Variants in KAZN observed in about 807,000 individuals in gnomAD.
The protein encoded by KAZN is kazrin.
Under a neutral mutation model 87.4 loss-of-function variants are expected in KAZN, and 40 were observed. The observed-to-expected ratio is 0.46, with a 90% confidence interval of 0.36 to 0.60. The LOEUF is 0.60. Ranked by LOEUF, KAZN falls within the 20% of genes least tolerant of loss-of-function variation. KAZN has a pLI of 0.00. For synonymous variants in KAZN, 466 were observed against 458.3 expected, an observed-to-expected ratio of 1.02 and a Z score of -0.22; for missense variants, 898 against 1,073.9, an observed-to-expected ratio of 0.84 and a Z score of 2.29.
Position 14,298,738 on chromosome 1 carries a change from T to C in KAZN, c.249+118146T>C, listed in dbSNP as rs574008620. Among the ~76,000 whole-genome samples, 6 of 152,344 alleles carry C rather than the reference T, an allele frequency of 3.9e-5. No individual in the cohort carries two copies. The South Asian group carries it at 1.2e-3, about 32-fold the overall frequency. On this transcript the variant is annotated intron_variant, in intron 2 of 16. Transcript: ENST00000636203. ...TTGGAAATGTGGGGGAGAGAGTCAA[T>C]TTCCCCTTTATTAAACTTGAATGGC... is the stretch of plus-strand genomic sequence containing the variant.
At chr1:14,333,626 T>C (rs1489309042) in intron 2 of KAZN, among the ~76,000 whole-genome samples, 1 of 152,078 alleles carries the variant, frequency 6.6e-6, no homozygotes, top group African/African-American at 2.4e-5. Flanking sequence ...CCAAAATCAA[T>C]GAACATAATA....
intron 1 of KAZN, among the ~76,000 whole-genome samples, chr1:14,935,689 C>T (rs1660370710): frequency 6.6e-6 from 1 of 152,184 alleles, no homozygotes; most frequent in Non-Finnish European, 1.5e-5. Flanking sequence ...TCTCCCCTCT[C>T]CCTTCCCCTT....
At chr1:14,564,495 C>G (rs1674432606) in intron 2 of KAZN, among the ~76,000 whole-genome samples, 2 of 152,010 alleles carry the variant, frequency 1.3e-5, no homozygotes, top group African/African-American at 2.4e-5. Flanking sequence ...GCTGTATGAA[C>G]TAAATGGGTG....
At chr1:14,198,517 T>C (rs1646575255) in intron 2 of KAZN, among the ~76,000 whole-genome samples, 1 of 152,070 alleles carries the variant, frequency 6.6e-6, no homozygotes. Context: ...CAAGAATCAA[T>C]TGAACTGGGG....
At chr1:14,038,548 T>G (rs933864159) in intron 1 of KAZN, among the ~76,000 whole-genome samples, 1 of 152,122 alleles carries the variant, frequency 6.6e-6, no homozygotes, top group African/African-American at 2.4e-5. Context: ...TCAATATACC[T>G]TTCACTGTAG....
At chr1:14,033,473 T>C (rs1205158076) in intron 1 of KAZN, among the ~76,000 whole-genome samples, 2 of 152,220 alleles carry the variant, frequency 1.3e-5, no homozygotes, top group Non-Finnish European at 2.9e-5. Flanking sequence ...ACTTATTGAA[T>C]CTCAGACATT....
At chr1:14,945,200 G>A (rs926932347) in intron 1 of KAZN, among the ~76,000 whole-genome samples, 2 of 152,240 alleles carry the variant, frequency 1.3e-5, no homozygotes, top group South Asian at 4.1e-4. Flanking sequence ...TGCAGGCCTC[G>A]CAGCTATAGA....
intron 1 of KAZN, among the ~76,000 whole-genome samples, chr1:13,973,496 G>A (rs1166588202): frequency 4.6e-5 from 7 of 152,188 alleles, no homozygotes. Context: ...CATGATCTCT[G>A]GCTCTGATCA....
intron 1 of KAZN, among the ~76,000 whole-genome samples, chr1:14,732,289 G>A (rs1643711174): frequency 6.6e-6 from 1 of 152,036 alleles, no homozygotes; most frequent in Non-Finnish European, 1.5e-5. Flanking sequence ...TTGGAGGATT[G>A]GTGCAGTCCC....
At chr1:14,308,308 A>C (rs1578131) in intron 2 of KAZN, among the ~76,000 whole-genome samples, 15,910 of 151,892 alleles carry the variant, frequency 0.1, 912 homozygotes, top group East Asian at 0.23. Flanking sequence ...TTTGATAACT[A>C]TTGAGATTAT....
chr1:14,525,198 C>T (rs1372177002), intron 2 of KAZN, among the ~76,000 whole-genome samples: 1 of 152,234 alleles, frequency 6.6e-6, no homozygotes, highest in Non-Finnish European at 1.5e-5. Flanking sequence ...TGTAAATGTA[C>T]ATATTGTACA....
At chr1:14,490,299 T>G (rs1026251990) in intron 2 of KAZN, among the ~76,000 whole-genome samples, 1 of 152,204 alleles carries the variant, frequency 6.6e-6, no homozygotes, top group Non-Finnish European at 1.5e-5. Context: ...AGTTACAATT[T>G]TGTTTTCTTT....
intron 2 of KAZN, among the ~76,000 whole-genome samples, chr1:14,533,872 T>A (rs1027795164): frequency 1.3e-5 from 2 of 152,212 alleles, no homozygotes; most frequent in Non-Finnish European, 2.9e-5. Context: ...TCTGCTCACA[T>A]ACAAGAGTCA....
intron 1 of KAZN, among the ~76,000 whole-genome samples, chr1:14,090,213 C>T (rs1456423935): frequency 6.6e-6 from 1 of 152,172 alleles, no homozygotes; most frequent in Non-Finnish European, 1.5e-5. Context: ...TTCCTTCCCT[C>T]ATCCCCCTCT....
chr1:14,566,492 T>A (rs1416358376), intron 2 of KAZN, among the ~76,000 whole-genome samples: 1 of 152,260 alleles, frequency 6.6e-6, no homozygotes, highest in Admixed American at 6.5e-5. Flanking sequence ...AGTCACCAGC[T>A]GCATTAGATG....
chr1:14,576,863 C>T (rs932870388), intron 2 of KAZN, among the ~76,000 whole-genome samples: 1 of 152,172 alleles, frequency 6.6e-6, no homozygotes, highest in African/African-American at 2.4e-5. Context: ...GGGAAAAGTC[C>T]TAGTCAATTT....
intron 2 of KAZN, among the ~76,000 whole-genome samples, chr1:14,998,089 C>A (rs1668079912): frequency 6.6e-6 from 1 of 152,038 alleles, no homozygotes; most frequent in Admixed American, 6.5e-5. Context: ...GCAGGGCAGG[C>A]CTCGGACACT....
chr1:15,001,453 G>A (rs1473595891), intron 2 of KAZN, among the ~76,000 whole-genome samples: 1 of 148,298 alleles, frequency 6.7e-6, no homozygotes. Flanking sequence ...GCGACCGAGC[G>A]AAAATCTGTC....
chr1:14,982,647 G>A (rs188298897), intron 2 of KAZN, among the ~76,000 whole-genome samples: 10 of 152,094 alleles, frequency 6.6e-5, no homozygotes, highest in African/African-American at 1.4e-4. Context: ...TTCTGGTCTC[G>A]AACTCCTGAC....
Sources: allele counts gnomAD v4.1 joint callset (sites outside exome capture counted in the v4.1 genomes callset), GRCh38; gene constraint gnomAD v4.1.1; transcripts MANE v1.5; gene names NCBI Gene and HGNC (gene_info 2026-07-23, HGNC 2026-07-21).